EPS8: variants seen among roughly 807,000 people sequenced by gnomAD.
The protein encoded by EPS8 is epidermal growth factor receptor kinase substrate 8.
EPS8 carries 42 observed loss-of-function variants against 103.8 expected under a neutral mutation model. The observed-to-expected ratio is 0.40, with a 90% CI of 0.32 to 0.52. The LOEUF (loss-of-function observed/expected upper bound fraction) is 0.52, where lower values mean the gene tolerates loss of function less well. Among genes scored for constraint, EPS8 ranks in the 20% least tolerant of loss-of-function variants. The probability of loss-of-function intolerance (pLI) is 0.40; values close to 1 mark genes in which losing one functional copy is unlikely to be tolerated. For synonymous variants in EPS8, 344 were observed against 344.6 expected (o/e 1.00, Z 0.02); for missense variants, 969 against 1,005.1 (o/e 0.96, Z 0.49).
chr12:15,723,394 T>A (rs905535470), intron 1 of EPS8, among the ~76,000 whole-genome samples: 12 of 152,220 alleles, frequency 7.9e-5, no homozygotes, highest in Non-Finnish European at 1.2e-4. Context: ...ATCCTTTCTT[T>A]AAAACCATTC....
At position 15,716,278 on chromosome 12, in the gene EPS8, T is replaced by C. The variant is rs1435308635; in HGVS notation, c.-21-33306A>G. Reference sequence around the variant, plus strand: ...AAGTTAACAGGTACAGTTAATACCCTGCTGTTAAACAAAATTCTGATATAC... The same window carrying C: ...AAGTTAACAGGTACAGTTAATACCCCGCTGTTAAACAAAATTCTGATATAC... On this transcript the variant is annotated intron_variant, in intron 1 of 20. Coordinates refer to ENST00000281172, the MANE Select transcript of EPS8 (RefSeq NM_004447.6). The surrounding 1 kb of genome is among the most constrained non-coding windows in gnomAD (Gnocchi z 5.0). Among the ~76,000 whole-genome samples the C allele has an allele frequency of 6.6e-6, 1 of 152,176 alleles. No individual in the cohort carries two copies. The highest frequency in any genetic ancestry group is 1.5e-5 in the Non-Finnish European group (1 of 68,018).
chr12:15,645,055 AT>A (rs1945297745), intron 15 of EPS8, among the ~76,000 whole-genome samples: 1 of 152,096 alleles, frequency 6.6e-6, no homozygotes, highest in Non-Finnish European at 1.5e-5. Flanking sequence ...ACTCTAGACT[AT>A]TATCCCTTCA....
At chr12:15,723,368 G>T (rs1202709116) in intron 1 of EPS8, among the ~76,000 whole-genome samples, 1 of 152,020 alleles carries the variant, frequency 6.6e-6, no homozygotes, top group Admixed American at 6.6e-5. Context: ...CTATTTCTTT[G>T]CTTAGTAGTG....
Position 15,771,070 on chromosome 12 carries a change from C to T in EPS8, c.-22+18091G>A, listed in dbSNP as rs569942912. ...TCACGAAAGAAAATAAGTGCCTAGG[C>T]GATCCTGAGAAAAAAAATATTAAGT... On this transcript the variant is annotated intron_variant, in intron 1 of 20. Transcript: ENST00000281172. The surrounding 1 kb of genome is among the most constrained non-coding windows in gnomAD (Gnocchi z 4.6). Among the ~76,000 whole-genome samples, 10 of 151,682 alleles carry T rather than the reference C, an allele frequency of 6.6e-5. No homozygotes were observed. The highest frequency in any genetic ancestry group is 6.8e-3 in the Middle Eastern group (2 of 294).
intron 18 of EPS8, among the ~76,000 whole-genome samples, chr12:15,625,256 C>T (rs1200530291): frequency 1.3e-5 from 2 of 152,148 alleles, no homozygotes; most frequent in Non-Finnish European, 2.9e-5. Context: ...GCTAACTATC[C>T]ATGTATGCAC....
intron 1 of EPS8, among the ~76,000 whole-genome samples, chr12:15,783,716 A>T (rs1433767780): frequency 4.6e-5 from 5 of 108,852 alleles, no homozygotes; most frequent in Non-Finnish European, 8.8e-5. Context: ...CTGAGTTAGT[A>T]AAAAAAAAAA....
chr12:15,727,255 A>T lies in EPS8; in HGVS notation c.-21-44283T>A, dbSNP rs546332685. Among the ~76,000 whole-genome samples the T allele has an allele frequency of 2.4e-4, 37 of 152,292 alleles. No individual in the cohort carries two copies. Among genetic ancestry groups the T allele is most frequent in the African/African-American group, 6.7e-4 (28 of 41,576 alleles). On this transcript the variant is annotated intron_variant, in intron 1 of 20. Coordinates refer to ENST00000281172, the MANE Select transcript of EPS8 (RefSeq NM_004447.6). This position sits in a 1 kb window ranked among gnomAD's most constrained non-coding sequence, Gnocchi z 4.3. ...TATCTACCTTTATACGTAGGACTTT[A>T]CACAACTGGGTTTGCTTTAGAAGCA...
chr12:15,696,764 T>C lies in EPS8; in HGVS notation c.-21-13792A>G, dbSNP rs966031939. Among the ~76,000 whole-genome samples, 1 of 152,148 alleles carries C rather than the reference T, an allele frequency of 6.6e-6. No homozygotes were observed. The highest frequency in any genetic ancestry group is 1.5e-5 in the Non-Finnish European group (1 of 68,038). ...GTCCACTTTGAGGCCAGTGTCAATC[T>C]ATAAACCCCCAAAAATATTTGCCAG... On this transcript the variant is annotated intron_variant, in intron 1 of 20. Coordinates refer to ENST00000281172, the MANE Select transcript of EPS8 (RefSeq NM_004447.6). The surrounding 1 kb of genome is among the most constrained non-coding windows in gnomAD (Gnocchi z 4.8).
rs369431065 is a variant in EPS8 at position 15,764,504 on chromosome 12, T to A, written c.-22+24657A>T. Among the ~76,000 whole-genome samples, 1 of 152,216 alleles carries A rather than the reference T, an allele frequency of 6.6e-6. No individual in the cohort carries two copies. Among genetic ancestry groups the A allele is most frequent in the Non-Finnish European group, 1.5e-5 (1 of 68,034 alleles). On this transcript the variant is annotated intron_variant, in intron 1 of 20. Coordinates refer to ENST00000281172, the MANE Select transcript of EPS8 (RefSeq NM_004447.6). This position sits in a 1 kb window ranked among gnomAD's most constrained non-coding sequence, Gnocchi z 4.1. ...AGGTTACCAGAACCGAGGACTGATT[T>A]TATGTAAACTGTAAAACCAACAGGC...
At chr12:15,720,887 C>T (rs1946587706) in intron 1 of EPS8, among the ~76,000 whole-genome samples, 1 of 152,176 alleles carries the variant, frequency 6.6e-6, no homozygotes, top group Admixed American at 6.5e-5. Flanking sequence ...GAGAAGCACA[C>T]CCAGATATTT....
Position 15,733,637 on chromosome 12 carries a change from A to C in EPS8, c.-21-50665T>G, listed in dbSNP as rs186554495. Among the ~76,000 whole-genome samples the C allele has an allele frequency of 1.1e-3, 164 of 152,322 alleles. 2 individuals are homozygous for C. The East Asian group carries it at 0.03, about 28-fold the overall frequency. ...GTTCTTGGTGGATGGAAGAAGAATA[A>C]CAACAACAGAAATAAAGGCAGGTAA... On this transcript the variant is annotated intron_variant, in intron 1 of 20. Transcript: ENST00000281172. This position sits in a 1 kb window ranked among gnomAD's most constrained non-coding sequence, Gnocchi z 4.8.
intron 3 of EPS8, among the ~76,000 whole-genome samples, 178 bp from the exon 4 acceptor site, chr12:15,671,101 CAAGA>C (rs1361914843): frequency 1.3e-5 from 2 of 152,060 alleles, no homozygotes; most frequent in African/African-American, 4.8e-5. Context: ...CTAAAAACCA[CAAGA>C]AAGTCTAAAT....
chr12:15,641,899 G>A, intron 15 of EPS8, 69 bp from the exon 16 acceptor site: 3 of 750,870 alleles, frequency 4.0e-6, no homozygotes, highest in Non-Finnish European at 6.2e-6. Context: ...GGAAAACACT[G>A]AGACAAGCCA....
intron 1 of EPS8, among the ~76,000 whole-genome samples, chr12:15,783,715 TAAA>T (rs34686335): frequency 0.055 from 5,259 of 95,292 alleles, 298 homozygotes; most frequent in African/African-American, 0.17. Flanking sequence ...TCTGAGTTAG[TAAA>T]AAAAAAAAAA....
At position 15,665,788 on chromosome 12, in the gene EPS8, G is replaced by A; in HGVS notation, c.704C>T (p.Ala235Val). 6.2e-7 allele frequency: 1 copy of A among 1,613,568 alleles called. No homozygotes were observed. Among genetic ancestry groups the A allele is most frequent in the Non-Finnish European group, 8.5e-7 (1 of 1,179,838 alleles). The change falls in exon 8 of 21, where the codon GCC (alanine) becomes GTC (valine). Residue 235 changes from alanine to valine, a missense_variant. Transcript: ENST00000281172. ...TQVDVRSRVA[A>V]WSAWAADQGD... ...TTGGTCGGCTGCCCATGCAGACCAG[G>A]CTGCCACTCGACTTCTAACATCCAC...
chr12:15,627,035 C>T (rs760362544), intron 18 of EPS8, among the ~76,000 whole-genome samples: 3 of 152,016 alleles, frequency 2.0e-5, no homozygotes, highest in Non-Finnish European at 4.4e-5. Flanking sequence ...GAGTCTCACT[C>T]TGTTGCCATA....
chr12:15,705,392 T>G (rs1370712725), intron 1 of EPS8, among the ~76,000 whole-genome samples: 1 of 152,230 alleles, frequency 6.6e-6, no homozygotes, highest in African/African-American at 2.4e-5. Flanking sequence ...TTTTTCACTT[T>G]TTAATTGAGC....
At chr12:15,729,786 G>A (rs370134893) in intron 1 of EPS8, among the ~76,000 whole-genome samples, 11 of 152,210 alleles carry the variant, frequency 7.2e-5, no homozygotes, top group Admixed American at 1.3e-4. Flanking sequence ...CACAGAATGC[G>A]TGTATGATTT....
intron 3 of EPS8, among the ~76,000 whole-genome samples, chr12:15,679,647 C>T (rs936692244): frequency 6.6e-6 from 1 of 152,192 alleles, no homozygotes; most frequent in African/African-American, 2.4e-5. Flanking sequence ...TCTATTAAAT[C>T]CTTTCTGATC....
Sources: allele counts gnomAD v4.1 joint callset (sites outside exome capture counted in the v4.1 genomes callset), GRCh38; gene constraint gnomAD v4.1.1; non-coding constraint Gnocchi (gnomAD v3.1); transcripts MANE v1.5; gene names NCBI Gene and HGNC (gene_info 2026-07-23, HGNC 2026-07-21).